Variants in MAVS observed in about 807,000 individuals in gnomAD.
The protein encoded by MAVS is mitochondrial antiviral-signaling protein.
Under a neutral mutation model 30.2 loss-of-function variants are expected in MAVS, and 20 were observed. The ratio of observed to expected loss-of-function variants is 0.66; its 90% CI spans 0.47 to 0.96. The LOEUF is 0.96. MAVS is among the 40% of genes least tolerant of loss of function. The pLI is 0.00. For missense variants in MAVS, 624 were observed against 701.1 expected, an observed-to-expected ratio of 0.89 and a Z score of 1.24; for synonymous variants, 278 against 293.9, an observed-to-expected ratio of 0.95 and a Z score of 0.55.
rs1298151717 is a variant in MAVS at position 3,868,916 on chromosome 20, C to A, written c.*2769C>A. 1.3e-5 allele frequency: 2 copies of A among 152,248 alleles called. No homozygotes were observed. Among genetic ancestry groups the A allele is most frequent in the African/African-American group, 4.8e-5 (2 of 41,430 alleles). The allele number at this position is 152,248 out of a possible 1,614,324, so 9.4% of individuals were successfully genotyped here. ...AAAAATTATAATTTTAGCACAGTAA[C>A]CAGCCATGATGGGAGATACCCTGGG... On this transcript the variant is annotated 3_prime_UTR_variant, in exon 7 of 7. Coordinates refer to ENST00000428216, the MANE Select transcript of MAVS (RefSeq NM_020746.5).
Position 3,867,232 on chromosome 20 carries a change from T to A in MAVS, c.*1085T>A. On this transcript the variant is annotated 3_prime_UTR_variant, in exon 7 of 7. Coordinates refer to ENST00000428216, the MANE Select transcript of MAVS (RefSeq NM_020746.5). ...TCTGTGACCTTGGGCAAGGGATTTA[T>A]CTGTCTGTCCCTTAGTTTTCTCACC... The A allele has an allele frequency of 2.7e-6, 1 of 364,370 alleles. No homozygotes were observed. The highest frequency in any genetic ancestry group is 2.0e-5 in the South Asian group (1 of 48,954). The allele number at this position is 364,370 out of a possible 1,614,324, so 22.6% of individuals were successfully genotyped here.
chr20:3,866,054 G>A lies in MAVS; in HGVS notation c.1530G>A (p.Arg510=). The change falls in exon 7 of 7, where the codon AGG becomes AGA. Residue 510 remains arginine, a synonymous_variant. Coordinates refer to ENST00000428216, the MANE Select transcript of MAVS (RefSeq NM_020746.5). ...KFQEREVPCH[R]PSPGALWLQV... is the part of the protein sequence containing the mutation. The stretch of plus-strand genomic sequence containing the variant: ...AGGAGAGGGAGGTGCCATGCCACAG[G>A]CCCTCACCTGGGGCTCTGTGGCTCC... The A allele has an allele frequency of 1.9e-6, 3 of 1,612,422 alleles. No homozygotes were observed. The highest frequency in any genetic ancestry group is 2.5e-6 in the Non-Finnish European group (3 of 1,179,978).
intron 1 of MAVS, among the ~76,000 whole-genome samples, chr20:3,848,669 C>T (rs2089731765): frequency 6.6e-6 from 1 of 152,186 alleles, no homozygotes; most frequent in Non-Finnish European, 1.5e-5. Flanking sequence ...AGAGAGGTCT[C>T]ATGCCTGCCT....
At position 3,873,959 on chromosome 20, in the gene MAVS, G is replaced by A; in HGVS notation, c.*7812G>A. On this transcript the variant is annotated 3_prime_UTR_variant, in exon 7 of 7. Transcript: ENST00000428216. ...TGTCCACCGAGACATTGGCAAGAAT[G>A]TTTCTAACCACACGCTGACTGTAGC... The A allele has an allele frequency of 2.5e-6, 1 of 396,440 alleles. No homozygotes were observed. The highest frequency in any genetic ancestry group is 3.6e-5 in the East Asian group (1 of 27,994). 24.6% of individuals were successfully genotyped at this position (396,440 alleles called of 1,614,324 possible). A position where few individuals can be genotyped will look rare whatever the true frequency, so the allele number is the denominator to read the frequency against.
chr20:3,849,604 C>T (rs2089740645), intron 1 of MAVS, among the ~76,000 whole-genome samples: 1 of 152,182 alleles, frequency 6.6e-6, no homozygotes, highest in African/African-American at 2.4e-5. Flanking sequence ...ACCATGCTCT[C>T]TGCCTAAAAC....
At chr20:3,852,944 A>G (rs2089774232) in intron 1 of MAVS, among the ~76,000 whole-genome samples, 2 of 148,572 alleles carry the variant, frequency 1.3e-5, no homozygotes, top group Non-Finnish European at 3.0e-5. Context: ...GGTTCAAGCA[A>G]TTCTCTGTCT....
chr20:3,855,885 T>C (rs893641475), intron 2 of MAVS, among the ~76,000 whole-genome samples: 21 of 152,088 alleles, frequency 1.4e-4, no homozygotes, highest in Admixed American at 1.2e-3. Flanking sequence ...TTCAAGTGAT[T>C]CTCGCGCCTC....
chr20:3,857,027 C>G (rs2089817251), intron 2 of MAVS, among the ~76,000 whole-genome samples: 1 of 144,322 alleles, frequency 6.9e-6, no homozygotes, highest in African/African-American at 2.7e-5. Flanking sequence ...CGGAGTGGGA[C>G]TCCGTCTGAA....
chr20:3,852,838 T>A (rs1719901295), intron 1 of MAVS, among the ~76,000 whole-genome samples: 1 of 112,144 alleles, frequency 8.9e-6, no homozygotes. Context: ...TGCAGAATTT[T>A]TTTTTTTTTT....
Position 3,864,368 on chromosome 20 carries a change from A to C in MAVS, c.738A>C (p.Ser246=). Residue 246 remains serine, a synonymous_variant, in exon 6 of 7, where the codon TCA becomes TCC. Transcript: ENST00000428216. The part of the protein sequence containing the change: ...RASRLPGPTG[S]VVSTGTSFSS... ...GCCGCTTGCCTGGACCCACAGGGTC[A>C]GTTGTATCTACTGGCACCTCCTTCT... 1 of 1,614,082 alleles carries C rather than the reference A, an allele frequency of 6.2e-7. No homozygotes were observed. Among genetic ancestry groups the C allele is most frequent in the Non-Finnish European group, 8.5e-7 (1 of 1,180,020 alleles).
Position 3,864,293 on chromosome 20 carries a change from G to A in MAVS, c.663G>A (p.Val221=), listed in dbSNP as rs898909008. 1.2e-6 allele frequency: 2 copies of A among 1,613,174 alleles called. No individual in the cohort carries two copies. Among genetic ancestry groups the A allele is most frequent in the Middle Eastern group, 1.7e-4 (1 of 6,058 alleles). The part of the protein sequence containing the change: ...TSSLTPSRGP[V]SPSVSFQPLA... ...GCCTCACACCATCCCGTGGGCCTGT[G>A]TCTCCATCTGTCTCCTTCCAGCCCC... is the stretch of plus-strand genomic sequence containing the variant. The change falls in exon 6 of 7, where the codon GTG becomes GTA. Residue 221 remains valine, a synonymous_variant. Transcript: ENST00000428216.
intron 5 of MAVS, among the ~76,000 whole-genome samples, chr20:3,863,546 TC>T (rs1180350651): frequency 3.9e-5 from 6 of 152,122 alleles, no homozygotes; most frequent in African/African-American, 1.4e-4. Flanking sequence ...TAGACACAGG[TC>T]CCATGAGATT....
chr20:3,866,219 C>T lies in MAVS; in HGVS notation c.*72C>T. The stretch of plus-strand genomic sequence containing the variant: ...TACACCTGGCCCCTCTCCGAAGCCC[C>T]TTGTCCCTTTCTTGGGGATTGTGGA... On this transcript the variant is annotated 3_prime_UTR_variant, in exon 7 of 7. Transcript: ENST00000428216. 1 of 1,383,486 alleles carries T rather than the reference C, an allele frequency of 7.2e-7. No individual in the cohort carries two copies. Among genetic ancestry groups the T allele is most frequent in the East Asian group, 2.4e-5 (1 of 41,534 alleles). 85.7% of individuals were successfully genotyped at this position (1,383,486 alleles called of 1,614,324 possible).
chr20:3,856,125 GCTCAC>G (rs2089807963), intron 2 of MAVS, among the ~76,000 whole-genome samples: 2 of 151,558 alleles, frequency 1.3e-5, no homozygotes, highest in African/African-American at 4.9e-5. Context: ...TGTGATCTCG[GCTCAC>G]TGCAAGCTCT....
At chr20:3,859,311 G>T (rs574506555) in intron 3 of MAVS, among the ~76,000 whole-genome samples, 48 of 151,990 alleles carry the variant, frequency 3.2e-4, no homozygotes, top group South Asian at 8.3e-4. Context: ...TTCGAGACCA[G>T]CCTGGCCAAT....
Position 3,857,709 on chromosome 20 carries a change from G to T in MAVS, c.192G>T (p.Arg64=). 1 of 1,614,258 alleles carries T rather than the reference G, an allele frequency of 6.2e-7. No individual in the cohort carries two copies. Among genetic ancestry groups the T allele is most frequent in the Non-Finnish European group, 8.5e-7 (1 of 1,180,046 alleles). The stretch of plus-strand genomic sequence containing the variant: ...GGCATCTCTTCAATACCCTTCAGCG[G>T]CGGCCCGGCTGGGTGGAGTACTTCA... ...TLWHLFNTLQ[R]RPGWVEYFIA... Residue 64 remains arginine, a synonymous_variant, in exon 3 of 7, where the codon CGG becomes CGT. Transcript: ENST00000428216.
rs2089888989 is a variant in MAVS at position 3,864,372 on chromosome 20, G to A, written c.742G>A (p.Val248Ile). Reference protein sequence around the residue: ...SRLPGPTGSVVSTGTSFSSSS... With the variant: ...SRLPGPTGSVISTGTSFSSSS... ...CTTGCCTGGACCCACAGGGTCAGTT[G>A]TATCTACTGGCACCTCCTTCTCCTC... The change falls in exon 6 of 7, where the codon GTA becomes ATA. Residue 248 changes from valine to isoleucine, a missense_variant. Transcript: ENST00000428216. The A allele has an allele frequency of 1.9e-6, 3 of 1,614,008 alleles. No individual in the cohort carries two copies. The highest frequency in any genetic ancestry group is 1.3e-5 in the African/African-American group (1 of 74,908).
chr20:3,862,358 G>A lies in MAVS; in HGVS notation c.570G>A (p.Leu190=). ...CTGACCTGGCAGCCCTCAGCCCTCT[G>A]ACCTCCAGCGGGCATCAGGAGCAGG... ...SSSDLAALSP[L]TSSGHQEQDT... The change falls in exon 5 of 7, where the codon CTG becomes CTA. Residue 190 remains leucine (L), a synonymous_variant. Coordinates refer to ENST00000428216, the MANE Select transcript of MAVS (RefSeq NM_020746.5). The A allele has an allele frequency of 6.2e-7, 1 of 1,614,134 alleles. No homozygotes were observed. Among genetic ancestry groups the A allele is most frequent in the Non-Finnish European group, 8.5e-7 (1 of 1,180,030 alleles).
At chr20:3,858,420 C>T (rs6052128) in intron 3 of MAVS, among the ~76,000 whole-genome samples, 13,507 of 152,140 alleles carry the variant, frequency 0.089, 1,028 homozygotes, top group African/African-American at 0.21. Flanking sequence ...TGTTTCACAC[C>T]TGTAATCCCA....
Sources: allele counts gnomAD v4.1 joint callset (sites outside exome capture counted in the v4.1 genomes callset), GRCh38; gene constraint gnomAD v4.1.1; transcripts MANE v1.5; gene names NCBI Gene and HGNC (gene_info 2026-07-23, HGNC 2026-07-21).